DENND1B: variants seen among roughly 807,000 people sequenced by gnomAD.
The protein encoded by DENND1B is DENN domain-containing protein 1B.
In DENND1B, 59 loss-of-function variants were observed where a neutral mutation model predicts 90.1. The observed-to-expected ratio is 0.65, with a 90% CI of 0.53 to 0.81. DENND1B has a LOEUF of 0.81. DENND1B is among the 40% of genes least tolerant of loss of function. The pLI, the probability that DENND1B is intolerant of heterozygous loss-of-function variation, is 0.00. For missense variants in DENND1B, 862 were observed against 912.6 expected, an observed-to-expected ratio of 0.94 and a Z score of 0.71; for synonymous variants, 337 against 324.6, an observed-to-expected ratio of 1.04 and a Z score of -0.41.
At chr1:197,619,443 A>AACAT (rs1677948948) in intron 10 of DENND1B, among the ~76,000 whole-genome samples, 2 of 151,128 alleles carry the variant, frequency 1.3e-5, no homozygotes, top group Admixed American at 6.6e-5. Context: ...AGAGCTTATG[A>AACAT]AGCGTTGAAA....
At chr1:197,535,591 G>C (rs1463563462) in intron 20 of DENND1B, among the ~76,000 whole-genome samples, 1 of 152,166 alleles carries the variant, frequency 6.6e-6, no homozygotes, top group African/African-American at 2.4e-5. Context: ...CACACTAACT[G>C]TAGGTAAATT....
At chr1:197,580,459 T>C (rs984899855) in intron 15 of DENND1B, among the ~76,000 whole-genome samples, 2 of 152,030 alleles carry the variant, frequency 1.3e-5, no homozygotes, top group Admixed American at 1.3e-4. Context: ...CAAAATTTCC[T>C]TTTGGAATTT....
chr1:197,637,711 A>G (rs1679918549), intron 10 of DENND1B, among the ~76,000 whole-genome samples: 1 of 152,174 alleles, frequency 6.6e-6, no homozygotes, highest in African/African-American at 2.4e-5. Flanking sequence ...TCAGTTTCAG[A>G]TGACATAACT....
intron 15 of DENND1B, among the ~76,000 whole-genome samples, chr1:197,561,305 T>C (rs893996827): frequency 6.6e-6 from 1 of 151,906 alleles, no homozygotes; most frequent in African/African-American, 2.4e-5. Context: ...CAGTAATCAA[T>C]GCTAGGTCCT....
At chr1:197,584,516 TA>T (rs1238378547) in intron 14 of DENND1B, among the ~76,000 whole-genome samples, 1 of 152,162 alleles carries the variant, frequency 6.6e-6, no homozygotes, top group Non-Finnish European at 1.5e-5. Flanking sequence ...TTTTCCTGGA[TA>T]GCACTGCTAT....
chr1:197,771,391 C>T (rs1269690615), intron 2 of DENND1B, among the ~76,000 whole-genome samples: 2 of 152,072 alleles, frequency 1.3e-5, no homozygotes, highest in South Asian at 2.1e-4. Context: ...AAAGAGGACC[C>T]GGTTGGGGCT....
intron 2 of DENND1B, among the ~76,000 whole-genome samples, chr1:197,762,221 A>G (rs992764567): frequency 1.3e-5 from 2 of 152,186 alleles, no homozygotes; most frequent in Admixed American, 1.3e-4. Context: ...CTAGCTCAAG[A>G]TAGACTATAA....
At chr1:197,777,324 A>G (rs1376891182), upstream of DENND1B, among the ~76,000 whole-genome samples, 1 of 152,206 alleles carries the variant, frequency 6.6e-6, no homozygotes, top group African/African-American at 2.4e-5. Flanking sequence ...TGAACAGTAT[A>G]AAATTGTTCT....
intron 3 of DENND1B, among the ~76,000 whole-genome samples, chr1:197,696,134 T>G (rs1382074943): frequency 6.6e-6 from 1 of 151,274 alleles, no homozygotes; most frequent in Non-Finnish European, 1.5e-5. Context: ...TAGTACTGAG[T>G]AGACTGGATT....
Position 197,512,886 on chromosome 1 carries a change from A to G in DENND1B, c.1583T>C (p.Ile528Thr), listed in dbSNP as rs1206120481. 1.9e-6 allele frequency: 3 copies of G among 1,610,522 alleles called. No homozygotes were observed. In the Admixed American group the frequency reaches 5.0e-5, roughly 27 times the overall value. The change falls in exon 21 of 23, where the codon ATT becomes ACT. Residue 528 changes from isoleucine (I) to threonine (T), a missense_variant. Coordinates refer to ENST00000620048, the MANE Select transcript of DENND1B (RefSeq NM_001195215.2). ...ALYDDEDDDD[I>T]ERASKLSSED... ...CATTACTTACTTGCTTGCTCTTTCAATGTCATCATCATCTTCATCATCATA... is the reference window on the plus strand; with the variant it reads ...CATTACTTACTTGCTTGCTCTTTCAGTGTCATCATCATCTTCATCATCATA...
chr1:197,555,977 G>C (rs569329347), intron 15 of DENND1B, among the ~76,000 whole-genome samples: 3 of 152,146 alleles, frequency 2.0e-5, no homozygotes, highest in East Asian at 1.9e-4. Context: ...CAGCAGACTG[G>C]ATAAAGAAAA....
intron 2 of DENND1B, among the ~76,000 whole-genome samples, chr1:197,745,382 T>C (rs774377818): frequency 2.6e-5 from 4 of 151,978 alleles, no homozygotes; most frequent in African/African-American, 7.3e-5. Flanking sequence ...TTAGAGGCCA[T>C]TGTAGGGTTA....
intron 1 of DENND1B, 70 bp downstream of exon 1, chr1:197,775,069 G>C (rs1657128150): frequency 9.2e-7 from 1 of 1,082,374 alleles, no homozygotes; most frequent in African/African-American, 1.7e-5. Flanking sequence ...AGGCGCGGAG[G>C]AGCCGAGCTG....
At chr1:197,619,419 C>A (rs1455912744) in intron 10 of DENND1B, among the ~76,000 whole-genome samples, 1 of 151,040 alleles carries the variant, frequency 6.6e-6, no homozygotes, top group Non-Finnish European at 1.5e-5. Context: ...CCCTTTTTAA[C>A]CTGATGGGCT....
intron 15 of DENND1B, among the ~76,000 whole-genome samples, chr1:197,563,825 T>G (rs1243126895): frequency 6.6e-6 from 1 of 151,922 alleles, no homozygotes; most frequent in Non-Finnish European, 1.5e-5. Context: ...CATTCATGAT[T>G]CATAGGAAGA....
At chr1:197,527,312 G>GTTTTTTTTTT (rs148417732) in intron 20 of DENND1B, among the ~76,000 whole-genome samples, 6 of 140,926 alleles carry the variant, frequency 4.3e-5, no homozygotes, top group Non-Finnish European at 7.7e-5. Context: ...GTTTTTTTTT[G>GTTTTTTTTTT]TTTTTGTTTT....
chr1:197,611,021 T>C (rs924367746), intron 12 of DENND1B, among the ~76,000 whole-genome samples: 6 of 150,738 alleles, frequency 4.0e-5, no homozygotes, highest in African/African-American at 1.5e-4. Context: ...CCTCAGGAGT[T>C]TTAAAATATA....
chr1:197,515,812 T>C (rs1255943856), intron 20 of DENND1B, among the ~76,000 whole-genome samples: 1 of 151,774 alleles, frequency 6.6e-6, no homozygotes, highest in African/African-American at 2.4e-5. Context: ...GAGAAGTATA[T>C]AATTTGCCCA....
intron 13 of DENND1B, chr1:197,606,392 GGGT>G (rs1676687208): frequency 6.6e-6 from 1 of 151,166 alleles, no homozygotes; most frequent in Non-Finnish European, 1.5e-5. Context: ...ATGACAAACT[GGGT>G]TTGCAGTTTA....
Sources: allele counts gnomAD v4.1 joint callset (sites outside exome capture counted in the v4.1 genomes callset), GRCh38; gene constraint gnomAD v4.1.1; transcripts MANE v1.5; gene names NCBI Gene and HGNC (gene_info 2026-07-23, HGNC 2026-07-21).